The following FBXL7 variants were observed in gnomAD, a reference collection of about 807,000 sequenced individuals.
The protein encoded by FBXL7 is F-box/LRR-repeat protein 7.
Under a neutral mutation model 38.3 loss-of-function variants are expected in FBXL7, and 12 were observed. The observed-to-expected ratio is 0.31, with a 90% CI of 0.20 to 0.51. The LOEUF (loss-of-function observed/expected upper bound fraction) is 0.51. Ranked by LOEUF, FBXL7 falls within the 20% of genes least tolerant of loss-of-function variation. The pLI is 0.98. For synonymous variants in FBXL7, 297 were observed against 300.9 expected (o/e 0.99, Z 0.13); for missense variants, 567 against 676.4 (o/e 0.84, Z 1.79).
chr5:15,787,831 CT>C (rs1737170131), intron 2 of FBXL7, among the ~76,000 whole-genome samples: 1 of 152,092 alleles, frequency 6.6e-6, no homozygotes, highest in Admixed American at 6.5e-5. Context: ...ATTTATGTGA[CT>C]GTCTTCATTA....
At chr5:15,769,086 C>T (rs1462906901) in intron 2 of FBXL7, among the ~76,000 whole-genome samples, 1 of 152,198 alleles carries the variant, frequency 6.6e-6, no homozygotes, top group Non-Finnish European at 1.5e-5. Flanking sequence ...GGCACGGAGG[C>T]TGCATGGAGA....
intron 2 of FBXL7, among the ~76,000 whole-genome samples, chr5:15,700,640 ACT>A (rs770380312): frequency 1.2e-4 from 18 of 152,336 alleles, no homozygotes; most frequent in Non-Finnish European, 2.5e-4. Context: ...TCACAGAAAC[ACT>A]GAGTTGCAGA....
chr5:15,776,308 A>G (rs768528684), intron 2 of FBXL7, among the ~76,000 whole-genome samples: 3 of 152,046 alleles, frequency 2.0e-5, no homozygotes, highest in Non-Finnish European at 4.4e-5. Context: ...CCCAAATCCT[A>G]TTTTGCTCAG....
At chr5:15,581,835 C>T (rs1739151377) in intron 1 of FBXL7, among the ~76,000 whole-genome samples, 1 of 152,090 alleles carries the variant, frequency 6.6e-6, no homozygotes, top group Non-Finnish European at 1.5e-5. Flanking sequence ...GGAAAGCAAG[C>T]TAGTTTCTGT....
chr5:15,503,236 C>T (rs758069873), intron 1 of FBXL7, among the ~76,000 whole-genome samples: 2 of 152,178 alleles, frequency 1.3e-5, no homozygotes, highest in Admixed American at 6.5e-5. Flanking sequence ...GGCTGGCCAA[C>T]ATGGTGAAAC....
chr5:15,852,784 T>G (rs1301438565), intron 2 of FBXL7, among the ~76,000 whole-genome samples: 1 of 152,182 alleles, frequency 6.6e-6, no homozygotes, highest in East Asian at 1.9e-4. Context: ...AGTTCTAGGA[T>G]TTTCTCACCT....
intron 2 of FBXL7, among the ~76,000 whole-genome samples, chr5:15,825,336 TCTGAA>T (rs1329109729): frequency 6.6e-6 from 1 of 152,160 alleles, no homozygotes; most frequent in Admixed American, 6.5e-5. Flanking sequence ...GTTAATATTA[TCTGAA>T]CTTGGTCCAG....
chr5:15,685,642 G>A (rs533108020), intron 2 of FBXL7, among the ~76,000 whole-genome samples: 3 of 152,284 alleles, frequency 2.0e-5, no homozygotes, highest in South Asian at 4.2e-4. Flanking sequence ...GCAGAACTGA[G>A]TTCAGGTCCC....
intron 2 of FBXL7, among the ~76,000 whole-genome samples, chr5:15,705,074 A>C (rs1743638922): frequency 2.0e-5 from 3 of 152,074 alleles, no homozygotes; most frequent in South Asian, 2.1e-4. Flanking sequence ...CTGTCTTCTG[A>C]TTTTGCATTC....
chr5:15,603,958 G>A (rs996167643), intron 1 of FBXL7, among the ~76,000 whole-genome samples: 10 of 152,136 alleles, frequency 6.6e-5, no homozygotes, highest in African/African-American at 1.4e-4. Flanking sequence ...CCAACATGGC[G>A]AAACCCTGTC....
At chr5:15,912,108 G>A (rs1179899861) in intron 2 of FBXL7, among the ~76,000 whole-genome samples, 6 of 44,432 alleles carry the variant, frequency 1.4e-4, no homozygotes, top group East Asian at 8.5e-4. Flanking sequence ...GCAATGGCGG[G>A]CGCCCCTCCC....
chr5:15,556,081 T>TACC (rs1420592072), intron 1 of FBXL7, among the ~76,000 whole-genome samples: 77 of 117,634 alleles, frequency 6.5e-4, no homozygotes, highest in African/African-American at 2.9e-3. Context: ...GTTTATTATC[T>TACC]ATCATCTATC....
In FBXL7 at chr5:15,591,354, G is replaced by A. The variant is rs1325147982; in HGVS notation, c.38-24629G>A. Among the ~76,000 whole-genome samples the A allele has an allele frequency of 2.0e-5, 3 of 151,776 alleles. No individual in the cohort carries two copies. The South Asian group carries it at 6.3e-4, about 32-fold the overall frequency. On this transcript the variant is annotated intron_variant, in intron 1 of 3. Transcript: ENST00000504595. ...TGAGGCAGGAGAATGGTGTGAATCC[G>A]GGAGGTGGAGCTTGCAGTGAGCTGT...
intron 1 of FBXL7, among the ~76,000 whole-genome samples, chr5:15,576,268 G>C (rs899750427): frequency 6.6e-6 from 1 of 151,604 alleles, no homozygotes; most frequent in Admixed American, 6.6e-5. Flanking sequence ...AGTTTTAGTA[G>C]AGGCGGGGTT....
Position 15,923,375 on chromosome 5 carries a change from T to G in FBXL7, c.128-4515T>G, listed in dbSNP as rs78006421. On this transcript the variant is annotated intron_variant, in intron 2 of 3. Coordinates refer to ENST00000504595, the MANE Select transcript of FBXL7 (RefSeq NM_012304.5). ...AATTTGAAGCCATGCTTTATTTTCC[T>G]GCTATAGAGACATATTCTGGTACTC... Among the ~76,000 whole-genome samples the G allele has an allele frequency of 4.0e-3, 612 of 152,366 alleles. 26 individuals are homozygous for G. The East Asian group carries it at 0.094, about 23-fold the overall frequency.
intron 2 of FBXL7, among the ~76,000 whole-genome samples, chr5:15,715,895 A>G (rs1173648057): frequency 6.6e-6 from 1 of 152,222 alleles, no homozygotes; most frequent in Non-Finnish European, 1.5e-5. Flanking sequence ...ACCTGTAAAC[A>G]TCAAGCCCAT....
chr5:15,737,386 A>T (rs1320077966), intron 2 of FBXL7, among the ~76,000 whole-genome samples: 1 of 152,218 alleles, frequency 6.6e-6, no homozygotes, highest in Non-Finnish European at 1.5e-5. Context: ...TCAGATCTAT[A>T]AAATTACAAA....
intron 2 of FBXL7, among the ~76,000 whole-genome samples, chr5:15,768,981 G>A (rs1202799899): frequency 6.6e-6 from 1 of 152,182 alleles, no homozygotes; most frequent in Admixed American, 6.5e-5. Context: ...AATGTTCCCA[G>A]GTATTGATCC....
chr5:15,665,767 A>G (rs1022681562), intron 2 of FBXL7, among the ~76,000 whole-genome samples: 8 of 152,128 alleles, frequency 5.3e-5, no homozygotes, highest in Admixed American at 3.3e-4. Context: ...ATCATAATGT[A>G]TTTGCGCTCA....
Sources: allele counts gnomAD v4.1 joint callset (sites outside exome capture counted in the v4.1 genomes callset), GRCh38; gene constraint gnomAD v4.1.1; transcripts MANE v1.5; gene names NCBI Gene and HGNC (gene_info 2026-07-23, HGNC 2026-07-21).